Variants in IFT20 observed in about 807,000 individuals in gnomAD.
The protein encoded by IFT20 is intraflagellar transport protein 20 homolog.
In IFT20, 4 loss-of-function variants were observed where a neutral mutation model predicts 16.9. That is an observed-to-expected ratio of 0.24 (90% CI 0.12 to 0.54). IFT20 has a LOEUF of 0.54. Ranked by LOEUF, IFT20 falls within the 20% of genes least tolerant of loss-of-function variation. The pLI is 0.95. For missense variants in IFT20, 154 were observed against 149.7 expected (o/e 1.03, Z -0.15); for synonymous variants, 48 against 49.9 (o/e 0.96, Z 0.16).
At chr17:28,334,979 C>T (rs1907045421) in intron 1 of IFT20, among the ~76,000 whole-genome samples, 1 of 152,186 alleles carries the variant, frequency 6.6e-6, no homozygotes, top group Admixed American at 6.5e-5. Context: ...ACTCCCATCA[C>T]ACGCGTGTCT....
rs782282760 is a variant in IFT20 at position 28,331,937 on chromosome 17, T to G, written c.49A>C (p.Asn17His). The change falls in exon 2 of 5, where the codon AAC becomes CAC. Residue 17 changes from asparagine to histidine, a missense_variant. By Grantham distance (68) the Asn-to-His change is moderately conservative. Transcript: ENST00000395418. ...GEAGLHFDELNKLRVLDPEVT... is the reference protein window; with the variant it reads ...GEAGLHFDELHKLRVLDPEVT... ...TCTGGGTCCAACACCCTCAGCTTGT[T>G]CAGTTCATCAAAGTGTAGCCCTGCT... The G allele has an allele frequency of 6.2e-7, 1 of 1,614,232 alleles. No individual in the cohort carries two copies. Among genetic ancestry groups the G allele is most frequent in the East Asian group, 2.2e-5 (1 of 44,884 alleles).
rs543873482 is a variant in IFT20, at chr17:28,329,974, C to G, written c.213+469G>C. On this transcript the variant is annotated intron_variant, in intron 3 of 4. Coordinates refer to ENST00000395418, the MANE Select transcript of IFT20 (RefSeq NM_001267776.2). The stretch of plus-strand genomic sequence containing the variant: ...ACTCGGGAGGCTGAGGCAGGAGAAT[C>G]GCTTGAACCCAGGAGGCGGAGGTTG... 157 of 413,132 alleles carry G rather than the reference C, an allele frequency of 3.8e-4. 2 individuals carry two copies. The highest frequency in any genetic ancestry group is 2.9e-3 in the African/African-American group (141 of 48,006). 25.6% of individuals were successfully genotyped at this position (413,132 alleles called of 1,614,324 possible).
chr17:28,331,820 G>A (rs1906802155), intron 2 of IFT20, 39 bp downstream of exon 2: 1 of 1,612,942 alleles, frequency 6.2e-7, no homozygotes, highest in African/African-American at 1.3e-5. Context: ...TGAAATGGCA[G>A]CTCAAAGCTG....
rs144541706 is a variant in IFT20 at position 28,331,431 on chromosome 17, C to T, written c.127+428G>A. ...AAGATTTCCAGCCAAAAGATGACTT[C>T]AGTAAGTCTGTTGAGCTGCTTCTAG... On this transcript the variant is annotated intron_variant, in intron 2 of 4. Transcript: ENST00000395418. 3.4e-3 allele frequency: 555 copies of T among 164,544 alleles called. 5 individuals are homozygous for T. Among genetic ancestry groups the T allele is most frequent in the Non-Finnish European group, 5.0e-3 (380 of 75,642 alleles). 10.2% of individuals were successfully genotyped at this position (164,544 alleles called of 1,614,324 possible).
chr17:28,330,695 CAG>C (rs113140702), intron 2 of IFT20, among the ~76,000 whole-genome samples, 167 bp from the exon 3 acceptor site: 2,001 of 152,250 alleles, frequency 0.013, 29 homozygotes, highest in African/African-American at 0.045. Flanking sequence ...CCCAGCTACT[CAG>C]GGGGCTGAGG....
At chr17:28,335,047 G>T (rs950006184) in intron 1 of IFT20, among the ~76,000 whole-genome samples, 1 of 152,194 alleles carries the variant, frequency 6.6e-6, no homozygotes, top group Non-Finnish European at 1.5e-5. Context: ...AGCATGAGGC[G>T]GTGGCATACT....
chr17:28,330,121 A>G, intron 3 of IFT20: 1 of 611,070 alleles, frequency 1.6e-6, no homozygotes, highest in Non-Finnish European at 2.9e-6. Context: ...CTGTAGTCCC[A>G]CCTACTCGGG....
At chr17:28,329,115 G>T in intron 4 of IFT20, 58 bp downstream of exon 4, 1 of 1,163,290 alleles carries the variant, frequency 8.6e-7, no homozygotes, top group Non-Finnish European at 1.3e-6. Flanking sequence ...GATCATTCCA[G>T]AAGGAAGAGT....
At position 28,329,248 on chromosome 17, in the gene IFT20, G is replaced by A. The variant is rs781796688; in HGVS notation, c.242C>T (p.Ser81Phe). The A allele has an allele frequency of 2.1e-5, 34 of 1,613,910 alleles. No homozygotes were observed. The highest frequency in any genetic ancestry group is 2.8e-5 in the Non-Finnish European group (33 of 1,179,986). The change falls in exon 4 of 5, where the codon TCT becomes TTT. Residue 81 changes from serine to phenylalanine, a missense_variant. Coordinates refer to ENST00000395418, the MANE Select transcript of IFT20 (RefSeq NM_001267776.2). ...KAIGARNLLK[S>F]IAKQREAQQQ... is the part of the protein sequence containing the mutation. ...TTGAGCTTCTCTCTGCTTTGCTATA[G>A]ATTTGAGCAAGTTCCGAGCACCGAT...
At chr17:28,334,639 C>G (rs1271446628) in intron 1 of IFT20, among the ~76,000 whole-genome samples, 4 of 152,274 alleles carry the variant, frequency 2.6e-5, no homozygotes, top group Non-Finnish European at 5.9e-5. Flanking sequence ...GTTCATCACT[C>G]TAACCCTAGC....
At chr17:28,331,099 G>A (rs1479569640) in intron 2 of IFT20, among the ~76,000 whole-genome samples, 1 of 152,232 alleles carries the variant, frequency 6.6e-6, no homozygotes, top group East Asian at 1.9e-4. Flanking sequence ...AATTAACAGT[G>A]GGGATGGGGG....
chr17:28,332,350 C>T (rs1415745281), intron 1 of IFT20: 3 of 734,328 alleles, frequency 4.1e-6, no homozygotes, highest in East Asian at 5.7e-5. Flanking sequence ...ATGAATGCAA[C>T]ACGGTGCCCG....
Position 28,330,646 on chromosome 17 carries a change from G to T in IFT20, c.128-118C>A, listed in dbSNP as rs1293957883. On this transcript the variant is annotated intron_variant, in intron 2 of 4. Coordinates refer to ENST00000395418, the MANE Select transcript of IFT20 (RefSeq NM_001267776.2). ...GCCCCTTCTAATTTGTGTTAAAATA[G>T]TTCGGTGTGGGCCAGGCGTGGTGGA... 1.8e-5 allele frequency: 13 copies of T among 711,070 alleles called. 1 individual carries two copies. Among genetic ancestry groups the T allele is most frequent in the Non-Finnish European group, 3.0e-5 (12 of 404,482 alleles). The allele number at this position is 711,070 out of a possible 1,614,324, so 44.0% of individuals were successfully genotyped here. A position where few individuals can be genotyped will look rare whatever the true frequency, so the allele number is the denominator to read the frequency against.
rs1309171666 is a variant in IFT20, at chr17:28,330,183, C to T, written c.213+260G>A. On this transcript the variant is annotated intron_variant, in intron 3 of 4. Transcript: ENST00000395418. ...TCTGAGAGGCAGAGCTTGCAGTGAG[C>T]CGAGATTGCACCAGTGCACTCCAGC... 4.8e-6 allele frequency: 3 copies of T among 622,802 alleles called. No individual in the cohort carries two copies. The Admixed American group carries it at 8.4e-5, about 17-fold the overall frequency. 38.6% of individuals were successfully genotyped at this position (622,802 alleles called of 1,614,324 possible).
At position 28,330,541 on chromosome 17, in the gene IFT20, G is replaced by C; in HGVS notation, c.128-13C>G. On this transcript the variant is annotated splice_polypyrimidine_tract_variant and intron_variant, in intron 2 of 4. Transcript: ENST00000395418. ...AACTGGCCAATTTCTTTTAGGAAAA[G>C]AACAAAAAATAAAATATTTCCTTAG... The C allele has an allele frequency of 2.6e-6, 4 of 1,562,968 alleles. No individual in the cohort carries two copies. The highest frequency in any genetic ancestry group is 3.5e-6 in the Non-Finnish European group (4 of 1,133,500).
At position 28,330,080 on chromosome 17, in the gene IFT20, A is replaced by G. The variant is rs1906646184; in HGVS notation, c.213+363T>C. The stretch of plus-strand genomic sequence containing the variant: ...GTCTCAAAAAAAAAAAAAAAAATAC[A>G]AAAACCTCAGCTGGGTGTGGTGGCA... On this transcript the variant is annotated intron_variant, in intron 3 of 4. Transcript: ENST00000395418. 5 of 559,990 alleles carry G rather than the reference A, an allele frequency of 8.9e-6. No individual in the cohort carries two copies. The Admixed American group carries it at 1.0e-4, about 12-fold the overall frequency. The allele number at this position is 559,990 out of a possible 1,614,324, so 34.7% of individuals were successfully genotyped here.
chr17:28,330,059 CAAAAAAAAAAAAAA>C, intron 3 of IFT20: 1 of 402,900 alleles, frequency 2.5e-6, no homozygotes, highest in East Asian at 3.7e-5. Context: ...AACTCCGTCT[CAAAAAAAAAAAAAA>C]AAATACAAAA....
At chr17:28,334,948 G>T (rs1385217064) in intron 1 of IFT20, among the ~76,000 whole-genome samples, 1 of 152,182 alleles carries the variant, frequency 6.6e-6, no homozygotes, top group Admixed American at 6.5e-5. Flanking sequence ...TGCAGGGAAA[G>T]AGTTCACAGA....
chr17:28,328,447 C>A lies in IFT20; in HGVS notation c.*205G>T. ...GCATAAGAGGTGAGAACGTACACTG[C>A]AGGGCCACCAGCAGCAGCTGTGCAC... On this transcript the variant is annotated 3_prime_UTR_variant, in exon 5 of 5. Transcript: ENST00000395418. 1 of 566,830 alleles carries A rather than the reference C, an allele frequency of 1.8e-6. No homozygotes were observed. The highest frequency in any genetic ancestry group is 3.1e-6 in the Non-Finnish European group (1 of 320,894). 35.1% of individuals were successfully genotyped at this position (566,830 alleles called of 1,614,324 possible). A position where few individuals can be genotyped will look rare whatever the true frequency, so the allele number is the denominator to read the frequency against.
Sources: gnomAD v4.1 joint callset for allele counts (sites outside exome capture counted in the v4.1 genomes callset) on GRCh38, gnomAD v4.1.1 for gene constraint, MANE v1.5 for transcripts, NCBI Gene and HGNC (gene_info 2026-07-23, HGNC 2026-07-21) for gene names.